MARCHF1: variants seen among roughly 807,000 people sequenced by gnomAD.
The protein encoded by MARCHF1 is E3 ubiquitin-protein ligase MARCHF1.
In MARCHF1, 40 loss-of-function variants were observed where a neutral mutation model predicts 54.2. That is an observed-to-expected ratio of 0.74 (90% CI 0.57 to 0.96). The LOEUF (loss-of-function observed/expected upper bound fraction) is 0.96, where lower values mean the gene tolerates loss of function less well. Among genes scored for constraint, MARCHF1 ranks in the 40% least tolerant of loss-of-function variants. The probability of loss-of-function intolerance (pLI) is 0.00; values close to 1 mark genes in which losing one functional copy is unlikely to be tolerated. For missense variants in MARCHF1, 586 were observed against 656.5 expected (o/e 0.89, Z 1.17); for synonymous variants, 236 against 236.3 (o/e 1.00, Z 0.01).
At chr4:164,214,218 A>G (rs1560957100) in intron 1 of MARCHF1, among the ~76,000 whole-genome samples, 1 of 152,180 alleles carries the variant, frequency 6.6e-6, no homozygotes, top group South Asian at 2.1e-4. Flanking sequence ...TTGTCTTCAT[A>G]TATTTTTGAG....
intron 7 of MARCHF1, among the ~76,000 whole-genome samples, chr4:163,587,577 G>A (rs1740450145): frequency 6.6e-6 from 1 of 152,106 alleles, no homozygotes; most frequent in African/African-American, 2.4e-5. Flanking sequence ...ATGTACAGAG[G>A]GACACAAAGA....
At chr4:164,242,336 C>G (rs1265372575) in intron 1 of MARCHF1, among the ~76,000 whole-genome samples, 2 of 146,914 alleles carry the variant, frequency 1.4e-5, no homozygotes, top group East Asian at 3.9e-4. Flanking sequence ...CCCCGAGCAG[C>G]CTAACTGGGA....
intron 1 of MARCHF1, among the ~76,000 whole-genome samples, chr4:164,311,564 GTAGT>G (rs1031987342): frequency 3.9e-5 from 6 of 152,124 alleles, no homozygotes; most frequent in African/African-American, 1.2e-4. Flanking sequence ...AGAAATCTGT[GTAGT>G]TAGTTTCTGG....
intron 2 of MARCHF1, among the ~76,000 whole-genome samples, chr4:164,015,144 A>C (rs1311304276): frequency 6.6e-6 from 1 of 152,194 alleles, no homozygotes; most frequent in Non-Finnish European, 1.5e-5. Flanking sequence ...TACAGCTATA[A>C]ATCTATCCAT....
intron 3 of MARCHF1, among the ~76,000 whole-genome samples, chr4:163,867,415 G>T (rs1579352675): frequency 6.6e-6 from 1 of 151,714 alleles, no homozygotes; most frequent in Non-Finnish European, 1.5e-5. Flanking sequence ...CCTATCTGTG[G>T]ATTTCCTTCC....
chr4:164,365,226 G>C (rs867880623), intron 1 of MARCHF1, among the ~76,000 whole-genome samples: 2 of 151,896 alleles, frequency 1.3e-5, no homozygotes, highest in South Asian at 2.1e-4. Flanking sequence ...ATATCTATCT[G>C]GACTCACATA....
chr4:164,268,544 ACTGTCAGGCTAAGATCT>A (rs1733667008), intron 1 of MARCHF1, among the ~76,000 whole-genome samples: 1 of 152,102 alleles, frequency 6.6e-6, no homozygotes, highest in Non-Finnish European at 1.5e-5. Flanking sequence ...CACACTCTAG[ACTGTCAGGCTAAGATCT>A]CTGATATAAA....
intron 3 of MARCHF1, among the ~76,000 whole-genome samples, chr4:163,863,184 A>G (rs973704134): frequency 1.3e-5 from 2 of 152,052 alleles, no homozygotes; most frequent in Non-Finnish European, 2.9e-5. Flanking sequence ...GAGTTCAGGG[A>G]TCCCAGGATG....
chr4:164,188,988 C>A, intron 1 of MARCHF1: 2 of 714,784 alleles, frequency 2.8e-6, no homozygotes, highest in Non-Finnish European at 2.6e-6. Context: ...GAGCCTATGG[C>A]AGCTGCTATT....
intron 9 of MARCHF1, among the ~76,000 whole-genome samples, chr4:163,540,011 G>A (rs1321538757): frequency 2.0e-5 from 3 of 152,104 alleles, no homozygotes; most frequent in Non-Finnish European, 4.4e-5. Context: ...TCTCACTTTT[G>A]TATTTTCTCT....
chr4:163,697,184 A>G (rs1744661791), intron 5 of MARCHF1, among the ~76,000 whole-genome samples: 1 of 152,136 alleles, frequency 6.6e-6, no homozygotes. Context: ...TCAGTGCTCA[A>G]AGTTTTTACT....
At chr4:164,291,576 T>C (rs1008654844) in intron 1 of MARCHF1, among the ~76,000 whole-genome samples, 2 of 151,912 alleles carry the variant, frequency 1.3e-5, no homozygotes, top group South Asian at 4.1e-4. Flanking sequence ...CATCAAAGAG[T>C]ATGTGCACTT....
At chr4:164,186,682 C>G (rs1164486851) in intron 1 of MARCHF1, among the ~76,000 whole-genome samples, 1 of 152,200 alleles carries the variant, frequency 6.6e-6, no homozygotes, top group Non-Finnish European at 1.5e-5. Context: ...GAATAAAAGC[C>G]TCAGGGCAAT....
intron 2 of MARCHF1, among the ~76,000 whole-genome samples, chr4:164,108,460 A>T (rs1755757036): frequency 6.6e-6 from 1 of 152,070 alleles, no homozygotes; most frequent in South Asian, 2.1e-4. Flanking sequence ...CATGACATGC[A>T]AAGGATCAGT....
intron 3 of MARCHF1, among the ~76,000 whole-genome samples, chr4:163,908,183 T>C (rs750786668): frequency 3.3e-5 from 5 of 152,180 alleles, no homozygotes; most frequent in Non-Finnish European, 7.4e-5. Context: ...CAAAAGATTT[T>C]AATCAGCAGC....
chr4:163,905,320 CATAG>C (rs1411760831), intron 3 of MARCHF1, among the ~76,000 whole-genome samples: 6 of 151,962 alleles, frequency 3.9e-5, no homozygotes, highest in African/African-American at 1.4e-4. Context: ...CATTCACGAA[CATAG>C]ATAATGATCT....
chr4:164,252,179 A>C (rs868712473), intron 1 of MARCHF1, among the ~76,000 whole-genome samples: 1 of 152,228 alleles, frequency 6.6e-6, no homozygotes, highest in Non-Finnish European at 1.5e-5. Flanking sequence ...GTATGGCTTA[A>C]GCCAGTGTTA....
chr4:164,257,710 G>A (rs987055198), intron 1 of MARCHF1, among the ~76,000 whole-genome samples: 1 of 152,106 alleles, frequency 6.6e-6, no homozygotes. Context: ...GCTCACGCCT[G>A]TAATCCAAGC....
rs532299745 is a variant in MARCHF1, at chr4:163,558,201, G to A, written c.1192-12458C>T. Among the ~76,000 whole-genome samples, 122 of 152,262 alleles carry A rather than the reference G, an allele frequency of 8.0e-4. 1 individual carries two copies. The highest frequency in any genetic ancestry group is 2.6e-3 in the African/African-American group (106 of 41,542). On this transcript the variant is annotated intron_variant, in intron 8 of 9. Coordinates refer to ENST00000514618, the MANE Select transcript of MARCHF1 (RefSeq NM_001394959.1). ...AGGACCCCCGATTATCATCCGGAGC[G>A]GGGAAACATGGGGTGTGGAACAGGC... is the stretch of plus-strand genomic sequence containing the variant.
Sources: allele counts gnomAD v4.1 joint callset (sites outside exome capture counted in the v4.1 genomes callset), GRCh38; gene constraint gnomAD v4.1.1; transcripts MANE v1.5; gene names NCBI Gene and HGNC (gene_info 2026-07-23, HGNC 2026-07-21).